Variants in MYO18B observed in about 807,000 individuals in gnomAD.
MYO18B encodes unconventional myosin-XVIIIb.
MYO18B carries 204 observed loss-of-function variants against 273.0 expected under a neutral mutation model. The observed-to-expected ratio is 0.75, with a 90% CI of 0.67 to 0.84. The LOEUF (loss-of-function observed/expected upper bound fraction) is 0.84, where lower values mean the gene tolerates loss of function less well. Ranked by LOEUF, MYO18B falls within the 40% of genes least tolerant of loss-of-function variation. The pLI is 0.00. For missense variants in MYO18B, 3,212 were observed against 3,287.6 expected, an observed-to-expected ratio of 0.98 and a Z score of 0.56; for synonymous variants, 1,330 against 1,305.7, an observed-to-expected ratio of 1.02 and a Z score of -0.40.
At position 25,768,469 on chromosome 22, in the gene MYO18B, A is replaced by T; in HGVS notation, c.553A>T (p.Thr185Ser). ...CCCTTGCAAGACCTCTCCCCCCGCC[A>T]CAGATACTGGAAAGGAAAAGAAAGG... The part of the protein sequence containing the change: ...APPCKTSPPA[T>S]DTGKEKKGET... Residue 185 changes from threonine (T) to serine (S), a missense_variant, in exon 4 of 44, where the codon ACA (threonine) becomes TCA (serine). Thr to Ser is a moderately conservative substitution (Grantham distance 58, BLOSUM62 1). Transcript: ENST00000335473. The T allele has an allele frequency of 2.1e-6, 3 of 1,452,974 alleles. No individual in the cohort carries two copies. The highest frequency in any genetic ancestry group is 2.9e-6 in the Non-Finnish European group (3 of 1,051,956). The allele number at this position is 1,452,974 out of a possible 1,614,324, so 90.0% of individuals were successfully genotyped here.
intron 12 of MYO18B, among the ~76,000 whole-genome samples, chr22:25,805,841 C>T (rs758330329): frequency 1.3e-5 from 2 of 152,190 alleles, no homozygotes; most frequent in Admixed American, 6.5e-5. Flanking sequence ...TCCCTACTTC[C>T]CTTTGTCAAC....
intron 11 of MYO18B, 25 bp from the exon 12 acceptor site, chr22:25,797,928 T>C: frequency 6.2e-7 from 1 of 1,614,006 alleles, no homozygotes; most frequent in Non-Finnish European, 8.5e-7. Flanking sequence ...GGCCTTGTTT[T>C]CTTCCTCTCT....
chr22:25,828,829 C>T lies in MYO18B; in HGVS notation c.2840C>T (p.Pro947Leu), dbSNP rs1356571982. Residue 947 changes from proline to leucine, a missense_variant, in exon 15 of 44, where the codon CCA becomes CTA. Pro to Leu is a moderately conservative substitution (Grantham distance 98). Coordinates refer to ENST00000335473, the MANE Select transcript of MYO18B (RefSeq NM_032608.7). ...GCCTCCATCATGGTGGTGGACTCTC[C>T]AGGCTTCCAGAACCCCCGGCACCAG... Reference protein sequence around the residue: ...SMASIMVVDSPGFQNPRHQGK... With the variant: ...SMASIMVVDSLGFQNPRHQGK... 2.0e-5 allele frequency: 33 copies of T among 1,613,838 alleles called. No individual in the cohort carries two copies. The highest frequency in any genetic ancestry group is 2.7e-5 in the Non-Finnish European group (32 of 1,179,898).
intron 25 of MYO18B, 31 bp from the exon 26 acceptor site, chr22:25,890,725 C>A (rs777904047): frequency 3.7e-6 from 6 of 1,612,204 alleles, no homozygotes; most frequent in South Asian, 1.1e-5. Flanking sequence ...ATCGAGTGAC[C>A]GTTCCTTGAT....
chr22:26,025,393 A>G (rs1431219979), intron 42 of MYO18B, among the ~76,000 whole-genome samples: 1 of 152,184 alleles, frequency 6.6e-6, no homozygotes, highest in Admixed American at 6.5e-5. Context: ...GTCTTGTAGC[A>G]GAATCTCAGT....
chr22:26,034,275 C>T (rs559879853), downstream of MYO18B, among the ~76,000 whole-genome samples: 2 of 152,336 alleles, frequency 1.3e-5, no homozygotes, highest in South Asian at 2.1e-4. Flanking sequence ...TCATCCAAGT[C>T]TGTGACACTA....
intron 1 of MYO18B, among the ~76,000 whole-genome samples, chr22:25,754,694 C>A (rs11704257): frequency 0.22 from 33,044 of 152,084 alleles, 4,324 homozygotes; most frequent in South Asian, 0.42. Context: ...CGGAGTATGG[C>A]GATAAGAACA....
intron 13 of MYO18B, among the ~76,000 whole-genome samples, chr22:25,826,196 G>A (rs1323249551): frequency 6.6e-6 from 1 of 152,214 alleles, no homozygotes; most frequent in Non-Finnish European, 1.5e-5. Flanking sequence ...TCACTCTGGG[G>A]TGAAGGTAGG....
At position 25,906,645 on chromosome 22, in the gene MYO18B, T is replaced by C. The variant is rs539630500; in HGVS notation, c.5149-1677T>C. Among the ~76,000 whole-genome samples the C allele has an allele frequency of 9.9e-5, 15 of 152,176 alleles. 1 individual carries two copies. The highest frequency in any genetic ancestry group is 2.0e-4 in the Admixed American group (3 of 15,280). Reference sequence around the variant, plus strand: ...GTATTAGTCTGTTTTCACACTGCTGTGAAGAACTGCCTGAGACTGGGTAAT... The same window carrying C: ...GTATTAGTCTGTTTTCACACTGCTGCGAAGAACTGCCTGAGACTGGGTAAT... On this transcript the variant is annotated intron_variant, in intron 31 of 43. Transcript: ENST00000335473.
At chr22:25,990,522 C>T (rs531392546) in intron 39 of MYO18B, among the ~76,000 whole-genome samples, 10 of 151,754 alleles carry the variant, frequency 6.6e-5, no homozygotes, top group Non-Finnish European at 1.0e-4. Flanking sequence ...CCCATCTCTG[C>T]TAAAAAATAC....
At chr22:25,975,786 C>T (rs976034096) in intron 39 of MYO18B, among the ~76,000 whole-genome samples, 11 of 152,186 alleles carry the variant, frequency 7.2e-5, no homozygotes, top group African/African-American at 2.7e-4. Flanking sequence ...CATTTCCAAC[C>T]AGCAACCAGG....
intron 42 of MYO18B, among the ~76,000 whole-genome samples, chr22:26,025,737 C>T (rs1311751765): frequency 6.7e-6 from 1 of 150,242 alleles, no homozygotes; most frequent in Non-Finnish European, 1.5e-5. Flanking sequence ...ATTTATTTTA[C>T]AGTCTATAAT....
At position 25,876,315 on chromosome 22, in the gene MYO18B, C is replaced by A. The variant is rs372954981; in HGVS notation, c.4207C>A (p.Gln1403Lys). Residue 1403 changes from glutamine (Q) to lysine (K), a missense_variant, in exon 24 of 44, where the codon CAG becomes AAG. By Grantham distance (53) the Gln-to-Lys change is moderately conservative (BLOSUM62 1). Coordinates refer to ENST00000335473, the MANE Select transcript of MYO18B (RefSeq NM_032608.7). The part of the protein sequence containing the change: ...PLLSATIGTE[Q>K]LRAKEEELTT... ...ACTTAGTGCCACCATTGGAACTGAGCAGCTCCGAGCCAAGGAGGTCAGTCT... is the reference window on the plus strand; with the variant it reads ...ACTTAGTGCCACCATTGGAACTGAGAAGCTCCGAGCCAAGGAGGTCAGTCT... The A allele has an allele frequency of 1.7e-5, 27 of 1,611,766 alleles. No individual in the cohort carries two copies. In the African/African-American group the frequency reaches 2.8e-4, roughly 17 times the overall value.
intron 34 of MYO18B, among the ~76,000 whole-genome samples, chr22:25,931,565 T>A (rs954270928): frequency 1.9e-4 from 29 of 152,076 alleles, no homozygotes; most frequent in Admixed American, 1.2e-3. Flanking sequence ...TGTGGGAGTG[T>A]GACTGTATAC....
chr22:25,770,982 CG>C lies in MYO18B; in HGVS notation c.1692+1del. ...TGAGGTGGATGAGGAGCATGTCCAT[CG>C]GGTGAGTCCCCTGTCCCGCCGTCCC... is the stretch of plus-strand genomic sequence containing the variant. ...ITEVDEEHVH[R>X]ANPPELDQVE... is the part of the protein sequence containing the mutation. On this transcript the variant is annotated frameshift_variant and splice_region_variant, in exon 6 of 44. Coordinates refer to ENST00000335473, the MANE Select transcript of MYO18B (RefSeq NM_032608.7). LOFTEE classifies it high-confidence loss of function. The C allele has an allele frequency of 6.5e-7, 1 of 1,550,378 alleles. No individual in the cohort carries two copies. Among genetic ancestry groups the C allele is most frequent in the Non-Finnish European group, 8.7e-7 (1 of 1,145,572 alleles).
intron 17 of MYO18B, among the ~76,000 whole-genome samples, chr22:25,837,527 T>C (rs1469903438): frequency 3.9e-5 from 6 of 152,086 alleles, no homozygotes; most frequent in Admixed American, 3.9e-4. Context: ...ATGTTTCGGG[T>C]GATTGTCCAA....
At chr22:25,759,353 A>G (rs1282399617) in intron 1 of MYO18B, among the ~76,000 whole-genome samples, 1 of 150,796 alleles carries the variant, frequency 6.6e-6, no homozygotes, top group Non-Finnish European at 1.5e-5. Context: ...GTAAGAGAGA[A>G]TGAGTTCATG....
In MYO18B at chr22:25,822,240, T is replaced by C. The variant is rs117869828; in HGVS notation, c.2522-1265T>C. ...TGCCTCCTTCAACCTCTGAAGCACT[T>C]CGCTGGTTCTTTATGTAGTACCTCC... is the stretch of plus-strand genomic sequence containing the variant. On this transcript the variant is annotated intron_variant, in intron 12 of 43. Transcript: ENST00000335473. Among the ~76,000 whole-genome samples, 17 of 152,356 alleles carry C rather than the reference T, an allele frequency of 1.1e-4. No individual in the cohort carries two copies. In the East Asian group the frequency reaches 3.3e-3, roughly 29 times the overall value.
At chr22:25,955,072 T>A in intron 38 of MYO18B, 107 bp from the exon 39 acceptor site, 1 of 1,215,888 alleles carries the variant, frequency 8.2e-7, no homozygotes, top group East Asian at 2.6e-5. Flanking sequence ...TTATCCTGAT[T>A]ATGAAAACAC....
Sources: allele counts gnomAD v4.1 joint callset (sites outside exome capture counted in the v4.1 genomes callset), GRCh38; gene constraint gnomAD v4.1.1; transcripts MANE v1.5; gene names NCBI Gene and HGNC (gene_info 2026-07-23, HGNC 2026-07-21).